Variants in FBXW4 observed in about 807,000 individuals in gnomAD.
FBXW4 encodes the protein F-box/WD repeat-containing protein 4.
FBXW4 carries 40 observed loss-of-function variants against 61.8 expected under a neutral mutation model. The ratio of observed to expected loss-of-function variants is 0.65; its 90% CI spans 0.50 to 0.84. The LOEUF (loss-of-function observed/expected upper bound fraction) is 0.84, where lower values mean the gene tolerates loss of function less well. Ranked by LOEUF, FBXW4 falls within the 40% of genes least tolerant of loss-of-function variation. The probability of loss-of-function intolerance (pLI) is 0.00; values close to 1 mark genes in which losing one functional copy is unlikely to be tolerated. For synonymous variants in FBXW4, 311 were observed against 313.8 expected (o/e 0.99, Z 0.10); for missense variants, 672 against 753.8 (o/e 0.89, Z 1.27).
chr10:101,616,130 T>A lies in FBXW4; in HGVS notation c.1302-3653A>T, dbSNP rs140320532. Among the ~76,000 whole-genome samples, 149 of 152,294 alleles carry A rather than the reference T, an allele frequency of 9.8e-4. 2 individuals are homozygous for A. The East Asian group carries it at 0.022, about 22-fold the overall frequency. On this transcript the variant is annotated intron_variant, in intron 6 of 8. Transcript: ENST00000331272. ...GAGTCTGTGCCTACCTGTGCACCTG[T>A]CTGCCATGTGCTACCTTGAAATGCA... is the stretch of plus-strand genomic sequence containing the variant.
intron 1 of FBXW4, among the ~76,000 whole-genome samples, chr10:101,687,597 A>G (rs1340213537): frequency 1.3e-5 from 2 of 152,160 alleles, no homozygotes; most frequent in African/African-American, 4.8e-5. Context: ...TATTTGTTTA[A>G]TCTACCAATC....
chr10:101,666,697 G>A (rs1246370600), intron 5 of FBXW4, among the ~76,000 whole-genome samples: 3 of 152,102 alleles, frequency 2.0e-5, no homozygotes, highest in African/African-American at 7.2e-5. Flanking sequence ...GGAGGAGAGG[G>A]ATTCTGTCTT....
At chr10:101,636,594 T>C (rs2064003856) in intron 5 of FBXW4, among the ~76,000 whole-genome samples, 1 of 151,928 alleles carries the variant, frequency 6.6e-6, no homozygotes, top group African/African-American at 2.4e-5. Flanking sequence ...CTATCTTTTT[T>C]TTTTTTTTTA....
chr10:101,630,995 G>A (rs956160302), intron 5 of FBXW4, among the ~76,000 whole-genome samples: 6 of 152,270 alleles, frequency 3.9e-5, no homozygotes, highest in Middle Eastern at 3.4e-3. Flanking sequence ...CATCTGTTTC[G>A]AAAGAAGGAA....
intron 5 of FBXW4, among the ~76,000 whole-genome samples, chr10:101,656,639 C>T (rs1190282900): frequency 6.6e-6 from 1 of 152,264 alleles, no homozygotes; most frequent in African/African-American, 2.4e-5. Flanking sequence ...AATACTATGC[C>T]ATGACTACCA....
At chr10:101,648,154 G>T (rs1177893357) in intron 5 of FBXW4, among the ~76,000 whole-genome samples, 1 of 152,086 alleles carries the variant, frequency 6.6e-6, no homozygotes, top group Non-Finnish European at 1.5e-5. Flanking sequence ...TTGTTTGTTT[G>T]TTTTTTCCTG....
At chr10:101,638,335 T>G (rs2064022087) in intron 5 of FBXW4, among the ~76,000 whole-genome samples, 1 of 151,928 alleles carries the variant, frequency 6.6e-6, no homozygotes, top group African/African-American at 2.4e-5. Context: ...CGTAGGGAGA[T>G]GAGAAATTCA....
In FBXW4 at chr10:101,612,399, G is replaced by A. The variant is rs145250200; in HGVS notation, c.1380C>T (p.Phe460=). ...TGTCATAGCCACAGGACAGCAGTGT[G>A]AAAGGGGACTCATACATGACATCCA... ...GVLDVMYESP[F]TLLSCGYDTY... Residue 460 remains phenylalanine, a synonymous_variant, in exon 7 of 9, where the codon TTC becomes TTT. Coordinates refer to ENST00000331272, the MANE Select transcript of FBXW4 (RefSeq NM_022039.4). The A allele has an allele frequency of 1.0e-4, 167 of 1,601,494 alleles. No homozygotes were observed. In the African/African-American group the frequency reaches 2.1e-3, roughly 20 times the overall value.
chr10:101,672,656 T>C, intron 4 of FBXW4, among the ~76,000 whole-genome samples: 1 of 152,174 alleles, frequency 6.6e-6, no homozygotes, highest in Non-Finnish European at 1.5e-5. Context: ...CCAGGTCCTC[T>C]GTTTTTGAGT....
At chr10:101,670,619 A>T (rs1039018288) in intron 4 of FBXW4, among the ~76,000 whole-genome samples, 2 of 152,200 alleles carry the variant, frequency 1.3e-5, no homozygotes, top group African/African-American at 2.4e-5. Context: ...CATCCTAAGG[A>T]TAAGAGGCTT....
intron 1 of FBXW4, among the ~76,000 whole-genome samples, chr10:101,691,356 G>A (rs2064599717): frequency 6.6e-6 from 1 of 152,150 alleles, no homozygotes; most frequent in Non-Finnish European, 1.5e-5. Context: ...CTCTCCACCT[G>A]CTGTAACACG....
Position 101,628,008 on chromosome 10 carries a change from T to C in FBXW4, c.1236-3198A>G, listed in dbSNP as rs1361603799. On this transcript the variant is annotated intron_variant, in intron 5 of 8. Transcript: ENST00000331272. ...ACCTGTTCGATTTGAATCCGCGAGA[T>C]GTCTTCAACCAGATTCTCGTCACAT... is the stretch of plus-strand genomic sequence containing the variant. 4 of 985,078 alleles carry C rather than the reference T, an allele frequency of 4.1e-6. No individual in the cohort carries two copies. The African/African-American group carries it at 7.0e-5, about 17-fold the overall frequency. 61.0% of individuals were successfully genotyped at this position (985,078 alleles called of 1,614,324 possible).
At chr10:101,617,283 T>TC (rs1011035294) in intron 6 of FBXW4, among the ~76,000 whole-genome samples, 2 of 152,240 alleles carry the variant, frequency 1.3e-5, no homozygotes, top group African/African-American at 4.8e-5. Flanking sequence ...GTGGTGGCAC[T>TC]CCCCACCTTC....
At chr10:101,641,262 A>G (rs1013880999) in intron 5 of FBXW4, among the ~76,000 whole-genome samples, 2 of 152,198 alleles carry the variant, frequency 1.3e-5, no homozygotes, top group Non-Finnish European at 2.9e-5. Flanking sequence ...GAGGGGGAAA[A>G]AAGGAAAAAA....
intron 5 of FBXW4, among the ~76,000 whole-genome samples, chr10:101,663,176 C>T (rs2064262658): frequency 6.6e-6 from 1 of 152,120 alleles, no homozygotes; most frequent in African/African-American, 2.4e-5. Flanking sequence ...TTTGCCTTTC[C>T]CCAGAAGAGA....
chr10:101,675,271 T>G (rs768249358), intron 2 of FBXW4, among the ~76,000 whole-genome samples: 2 of 152,136 alleles, frequency 1.3e-5, no homozygotes, highest in African/African-American at 2.4e-5. Context: ...CACACTCAAG[T>G]AGGCAGCAAA....
intron 5 of FBXW4, among the ~76,000 whole-genome samples, chr10:101,647,434 T>A (rs1247399119): frequency 2.0e-5 from 3 of 152,160 alleles, no homozygotes; most frequent in African/African-American, 2.4e-5. Flanking sequence ...AGCCTGGGAA[T>A]CCCTTCCCTA....
chr10:101,688,546 C>T (rs1240525188), intron 1 of FBXW4, among the ~76,000 whole-genome samples: 2 of 152,204 alleles, frequency 1.3e-5, no homozygotes, highest in East Asian at 3.8e-4. Context: ...TAGTCTCATA[C>T]TCATTTTTAG....
At chr10:101,636,551 A>C (rs2064003300) in intron 5 of FBXW4, among the ~76,000 whole-genome samples, 1 of 150,420 alleles carries the variant, frequency 6.6e-6, no homozygotes. Flanking sequence ...ATTTGATAAT[A>C]TTTTTCTAGG....
Sources: gnomAD v4.1 joint callset for allele counts (sites outside exome capture counted in the v4.1 genomes callset) on GRCh38, gnomAD v4.1.1 for gene constraint, MANE v1.5 for transcripts, NCBI Gene and HGNC (gene_info 2026-07-23, HGNC 2026-07-21) for gene names.